TSC22D1: variants seen among roughly 807,000 people sequenced by gnomAD.
TSC22D1 encodes TSC22 domain family member 1, also known as TSC22 domain family protein 1.
TSC22D1 carries 9 observed loss-of-function variants against 74.2 expected under a neutral mutation model. The observed-to-expected ratio is 0.12, with a 90% confidence interval of 0.07 to 0.21. The LOEUF is 0.21. Ranked by LOEUF, TSC22D1 falls within the 10% of genes least tolerant of loss-of-function variation. TSC22D1 has a pLI of 1.00. For synonymous variants in TSC22D1, 586 were observed against 492.5 expected (o/e 1.19, Z -2.51); for missense variants, 1,427 against 1,304.7 (o/e 1.09, Z -1.44).
chr13:44,493,920 A>C (rs1368215859), intron 1 of TSC22D1, among the ~76,000 whole-genome samples: 2 of 152,174 alleles, frequency 1.3e-5, no homozygotes, highest in Non-Finnish European at 2.9e-5. Flanking sequence ...ACAAAGGTAC[A>C]GTCTTTACAA....
At chr13:44,545,662 G>A (rs1881778654) in intron 1 of TSC22D1, among the ~76,000 whole-genome samples, 1 of 151,568 alleles carries the variant, frequency 6.6e-6, no homozygotes, top group African/African-American at 2.4e-5. Flanking sequence ...TCATAAGAGT[G>A]CACTTAGAAA....
chr13:44,461,614 C>T (rs1876999731), intron 1 of TSC22D1, among the ~76,000 whole-genome samples: 2 of 152,146 alleles, frequency 1.3e-5, no homozygotes. Flanking sequence ...ATGTCCAAAA[C>T]AGAGGCAGTA....
chr13:44,501,142 G>A (rs922889345), intron 1 of TSC22D1, among the ~76,000 whole-genome samples: 1 of 152,180 alleles, frequency 6.6e-6, no homozygotes, highest in Admixed American at 6.5e-5. Flanking sequence ...ACTAGAAACT[G>A]CGAGGTGGTG....
intron 1 of TSC22D1, among the ~76,000 whole-genome samples, chr13:44,522,657 C>A (rs7985050): frequency 0.014 from 2,068 of 152,308 alleles, 61 homozygotes; most frequent in African/African-American, 0.047. Context: ...CTATCCAACA[C>A]TGACCTTTTA....
At chr13:44,474,393 T>G (rs1390212416) in intron 1 of TSC22D1, 1 of 280,494 alleles carries the variant, frequency 3.6e-6, no homozygotes, top group African/African-American at 2.3e-5. Context: ...AAAGGGGCAG[T>G]GGTCCAATTT....
At chr13:44,438,878 C>T (rs1240457311) in intron 1 of TSC22D1, among the ~76,000 whole-genome samples, 2 of 152,008 alleles carry the variant, frequency 1.3e-5, no homozygotes, top group South Asian at 2.1e-4. Flanking sequence ...ATGCTAAATT[C>T]CATTTACATG....
At chr13:44,484,038 T>G (rs1408823154) in intron 1 of TSC22D1, among the ~76,000 whole-genome samples, 1 of 152,234 alleles carries the variant, frequency 6.6e-6, no homozygotes, top group Non-Finnish European at 1.5e-5. Flanking sequence ...CACATAGGTA[T>G]CTTATACACG....
intron 1 of TSC22D1, chr13:44,516,299 C>A: frequency 2.2e-6 from 1 of 446,576 alleles, no homozygotes; most frequent in Non-Finnish European, 4.4e-6. Context: ...CTCCCTTTAC[C>A]AGCTCCCCTC....
intron 1 of TSC22D1, among the ~76,000 whole-genome samples, chr13:44,531,121 TTTAA>T (rs1362781418): frequency 3.3e-5 from 5 of 152,228 alleles, no homozygotes; most frequent in East Asian, 3.9e-4. Context: ...AACTATAGAC[TTTAA>T]TTAATAATTG....
chr13:44,487,269 C>T (rs1005300006), intron 1 of TSC22D1, among the ~76,000 whole-genome samples: 1 of 151,806 alleles, frequency 6.6e-6, no homozygotes, highest in African/African-American at 2.4e-5. Flanking sequence ...GAGGCCAAGG[C>T]AGGTGGATCA....
chr13:44,466,605 C>T (rs1465224484), intron 1 of TSC22D1, among the ~76,000 whole-genome samples: 1 of 151,602 alleles, frequency 6.6e-6, no homozygotes, highest in South Asian at 2.1e-4. Context: ...CTTGTCTCTA[C>T]TAAAAATACA....
intron 1 of TSC22D1, among the ~76,000 whole-genome samples, chr13:44,449,502 G>T (rs1418428410): frequency 6.6e-6 from 1 of 152,158 alleles, no homozygotes; most frequent in Non-Finnish European, 1.5e-5. Context: ...TTGTGGCCAG[G>T]AATAGGAGAA....
chr13:44,465,242 G>T (rs1028807703), intron 1 of TSC22D1, among the ~76,000 whole-genome samples: 66 of 152,180 alleles, frequency 4.3e-4, no homozygotes, highest in African/African-American at 1.5e-3. Context: ...ACAGAGACAG[G>T]AATACAAGGA....
At chr13:44,491,488 C>T (rs1053391426) in intron 1 of TSC22D1, among the ~76,000 whole-genome samples, 4 of 144,610 alleles carry the variant, frequency 2.8e-5, no homozygotes, top group African/African-American at 5.1e-5. Flanking sequence ...CGGCAGGCGG[C>T]GCTTGCAGTG....
At chr13:44,485,228 A>G (rs1878373749) in intron 1 of TSC22D1, among the ~76,000 whole-genome samples, 1 of 152,130 alleles carries the variant, frequency 6.6e-6, no homozygotes, top group South Asian at 2.1e-4. Context: ...AGAACTAATA[A>G]AGTACAAGTT....
rs975124366 is a variant in TSC22D1, at chr13:44,576,180, T to G, written c.-106A>C. 7.2e-7 allele frequency: 1 copy of G among 1,393,952 alleles called. No individual in the cohort carries two copies. Among genetic ancestry groups the G allele is most frequent in the Non-Finnish European group, 9.4e-7 (1 of 1,065,442 alleles). 86.3% of individuals were successfully genotyped at this position (1,393,952 alleles called of 1,614,324 possible). Reference sequence around the variant, plus strand: ...GGAAAACGGGACCTGACGCTCCGCCTGGCGCGATTCCTCCTTCTCCTCCTC... The same window carrying G: ...GGAAAACGGGACCTGACGCTCCGCCGGGCGCGATTCCTCCTTCTCCTCCTC... On this transcript the variant is annotated 5_prime_UTR_variant, in exon 1 of 3. Coordinates refer to ENST00000458659, the MANE Select transcript of TSC22D1 (RefSeq NM_183422.4).
At chr13:44,436,393 C>T (rs1874629824) in intron 1 of TSC22D1, 1 of 1,349,756 alleles carries the variant, frequency 7.4e-7, no homozygotes. Context: ...ACATCCATGT[C>T]ACCATAATCT....
At chr13:44,501,709 A>C (rs1879225355) in intron 1 of TSC22D1, among the ~76,000 whole-genome samples, 1 of 152,220 alleles carries the variant, frequency 6.6e-6, no homozygotes, top group African/African-American at 2.4e-5. Flanking sequence ...AAACACATGA[A>C]AAGCTAAACT....
In TSC22D1 at chr13:44,484,402, C is replaced by G. The variant is rs142855318; in HGVS notation, c.2913-48307G>C. Among the ~76,000 whole-genome samples, 33 of 152,300 alleles carry G rather than the reference C, an allele frequency of 2.2e-4. No homozygotes were observed. The East Asian group carries it at 6.2e-3, about 28-fold the overall frequency. The stretch of plus-strand genomic sequence containing the variant: ...AGGGAACACAGTCCTTCCTCCCTTC[C>G]CATACTAGCCCATCCTATATACTTT... On this transcript the variant is annotated intron_variant, in intron 1 of 2. Coordinates refer to ENST00000458659, the MANE Select transcript of TSC22D1 (RefSeq NM_183422.4).
Sources: gnomAD v4.1 joint callset for allele counts (sites outside exome capture counted in the v4.1 genomes callset) on GRCh38, gnomAD v4.1.1 for gene constraint, MANE v1.5 for transcripts, NCBI Gene and HGNC (gene_info 2026-07-23, HGNC 2026-07-21) for gene names.